TSPEAR: variants seen among roughly 807,000 people sequenced by gnomAD.
TSPEAR encodes the protein thrombospondin type laminin G domain and EAR repeats.
TSPEAR carries 69 observed loss-of-function variants against 71.6 expected under a neutral mutation model. The ratio of observed to expected loss-of-function variants is 0.96; its 90% CI spans 0.79 to 1.18. The LOEUF is 1.18. Ranked by LOEUF, TSPEAR falls within the 50% of genes most tolerant of loss-of-function variation. TSPEAR has a pLI of 0.00. For synonymous variants in TSPEAR, 402 were observed against 387.2 expected, an observed-to-expected ratio of 1.04 and a Z score of -0.45; for missense variants, 971 against 894.9, an observed-to-expected ratio of 1.09 and a Z score of -1.09.
intron 1 of TSPEAR, chr21:44,646,297 A>G: frequency 3.9e-6 from 4 of 1,027,556 alleles, no homozygotes; most frequent in Admixed American, 2.8e-5. Context: ...CCAGCTGTAA[A>G]CACCAACAAG....
At chr21:44,649,894 C>T (rs782382902) in intron 1 of TSPEAR, among the ~76,000 whole-genome samples, 7 of 152,134 alleles carry the variant, frequency 4.6e-5, no homozygotes, top group South Asian at 4.1e-4. Flanking sequence ...GGCTTTGCAC[C>T]GACCTCTTTC....
At chr21:44,578,492 C>G (rs1431763908) in intron 1 of TSPEAR, among the ~76,000 whole-genome samples, 3 of 152,124 alleles carry the variant, frequency 2.0e-5, no homozygotes, top group Admixed American at 1.3e-4. Context: ...CTAACCCAAA[C>G]TTTTCCAGAA....
rs182362228 is a variant in TSPEAR, at chr21:44,672,332, A to T, written c.82+39101T>A. Among the ~76,000 whole-genome samples, 935 of 152,304 alleles carry T rather than the reference A, an allele frequency of 6.1e-3. 3 individuals carry two copies. Among genetic ancestry groups the T allele is most frequent in the Non-Finnish European group, 0.01 (711 of 68,020 alleles). On this transcript the variant is annotated intron_variant, in intron 1 of 11. Transcript: ENST00000323084. ...ACGCCTGTAATCCCAGCACTTTGGG[A>T]GGCTAAGGCGGGCGGATCACAAGGT...
chr21:44,527,546 T>C, intron 6 of TSPEAR, 28 bp from the exon 7 acceptor site: 6 of 1,607,626 alleles, frequency 3.7e-6, no homozygotes, highest in Non-Finnish European at 4.3e-6. Context: ...GTGACTCGGT[T>C]AAGATTTCCG....
chr21:44,555,532 C>T (rs1349297066), intron 2 of TSPEAR, among the ~76,000 whole-genome samples: 7 of 152,196 alleles, frequency 4.6e-5, no homozygotes, highest in South Asian at 2.1e-4. Context: ...AGTGGGGAGA[C>T]GTGGGCACTT....
rs782447296 is a variant in TSPEAR at position 44,558,350 on chromosome 21, GGGCTTGCAGCAGACA to G, written c.303+9420_303+9434del. 198 of 1,613,366 alleles carry G rather than the reference GGGCTTGCAGCAGACA, an allele frequency of 1.2e-4. 1 individual carries two copies. Among genetic ancestry groups the G allele is most frequent in the African/African-American group, 9.8e-4 (73 of 74,808 alleles). Reference sequence around the variant, plus strand: ...CAGAGCAGACGGGCACACAGCAGATGGGCTTGCAGCAGACAGGCTTGCAGCAGACGGGCACACAGC... The same window carrying G: ...CAGAGCAGACGGGCACACAGCAGATGGGCTTGCAGCAGACGGGCACACAGC... On this transcript the variant is annotated intron_variant, in intron 2 of 11. Coordinates refer to ENST00000323084, the MANE Select transcript of TSPEAR (RefSeq NM_144991.3).
At chr21:44,686,753 C>G (rs1986878547) in intron 1 of TSPEAR, 1 of 152,348 alleles carries the variant, frequency 6.6e-6, no homozygotes, top group Non-Finnish European at 1.5e-5. Flanking sequence ...GATCCACCTC[C>G]CACTGTGGCT....
rs923445579 is a variant in TSPEAR at position 44,541,817 on chromosome 21, A to G, written c.304-7894T>C. On this transcript the variant is annotated intron_variant, in intron 2 of 11. Coordinates refer to ENST00000323084, the MANE Select transcript of TSPEAR (RefSeq NM_144991.3). The stretch of plus-strand genomic sequence containing the variant: ...TTAAATAAACTCGCACTGAACTCAT[A>G]TGATCTGCCTGTAGCCTAACTGCCT... Among the ~76,000 whole-genome samples, 7 of 152,378 alleles carry G rather than the reference A, an allele frequency of 4.6e-5. No homozygotes were observed. In the South Asian group the frequency reaches 1.4e-3, roughly 32 times the overall value.
chr21:44,699,774 A>T (rs1987562658), intron 1 of TSPEAR, among the ~76,000 whole-genome samples: 1 of 152,272 alleles, frequency 6.6e-6, no homozygotes, highest in Admixed American at 6.5e-5. Flanking sequence ...CTGGGCTCCC[A>T]GCCACGCTTA....
intron 1 of TSPEAR, chr21:44,580,197 G>T (rs1343471517): frequency 6.2e-7 from 1 of 1,614,130 alleles, no homozygotes. Context: ...CAGCAGGACT[G>T]CTGGCAGGAG....
At chr21:44,529,637 G>A (rs1268993721) in intron 5 of TSPEAR, among the ~76,000 whole-genome samples, 161 bp downstream of exon 5, 7 of 152,064 alleles carry the variant, frequency 4.6e-5, no homozygotes, top group Non-Finnish European at 8.8e-5. Flanking sequence ...GGTGGGCCCC[G>A]AGTATCCCCC....
Position 44,710,426 on chromosome 21 carries a change from C to T in TSPEAR, c.82+1007G>A, listed in dbSNP as rs113363295. ...GGCACGTTTATGACCCCCACCCCCA[C>T]CCCCACCCCCCACGCGAGTCAGCAC... On this transcript the variant is annotated intron_variant, in intron 1 of 11. Transcript: ENST00000323084. The surrounding 1 kb of genome is among the most constrained non-coding windows in gnomAD (Gnocchi z 4.6). Among the ~76,000 whole-genome samples, 1,434 of 151,716 alleles carry T rather than the reference C, an allele frequency of 9.5e-3. 12 individuals are homozygous for T. Among genetic ancestry groups the T allele is most frequent in the Non-Finnish European group, 0.014 (967 of 67,808 alleles).
intron 2 of TSPEAR, among the ~76,000 whole-genome samples, chr21:44,547,787 C>G (rs1208155208): frequency 6.6e-6 from 1 of 152,026 alleles, no homozygotes; most frequent in Non-Finnish European, 1.5e-5. Context: ...CTGCTTGCAT[C>G]TTCACTTCCT....
intron 2 of TSPEAR, chr21:44,539,115 G>A: frequency 1.9e-6 from 2 of 1,052,488 alleles, no homozygotes; most frequent in Non-Finnish European, 2.7e-6. Context: ...CCTGCTGGAA[G>A]GCAAGAGCTG....
rs111396672 is a variant in TSPEAR at position 44,677,898 on chromosome 21, A to G, written c.82+33535T>C. Reference sequence around the variant, plus strand: ...GAAATGGGAAGCCCATTTGGCATATAGGATAGTGCCACCAATACCTCCACC... The same window carrying G: ...GAAATGGGAAGCCCATTTGGCATATGGGATAGTGCCACCAATACCTCCACC... On this transcript the variant is annotated intron_variant, in intron 1 of 11. Transcript: ENST00000323084. 730 of 1,400,558 alleles carry G rather than the reference A, an allele frequency of 5.2e-4. 8 individuals carry two copies. The African/African-American group carries it at 8.6e-3, about 16-fold the overall frequency. 86.8% of individuals were successfully genotyped at this position (1,400,558 alleles called of 1,614,324 possible).
intron 1 of TSPEAR, among the ~76,000 whole-genome samples, chr21:44,693,692 G>A (rs1344526572): frequency 3.3e-5 from 5 of 149,500 alleles, no homozygotes; most frequent in African/African-American, 1.3e-4. Context: ...CAAAGATGTG[G>A]AGAAATTGGA....
intron 1 of TSPEAR, among the ~76,000 whole-genome samples, chr21:44,596,650 C>T (rs141133243): frequency 6.6e-6 from 1 of 152,226 alleles, no homozygotes; most frequent in African/African-American, 2.4e-5. Flanking sequence ...TCTGCCCACA[C>T]CCTCGCCAAC....
chr21:44,630,380 G>A (rs1011372021), intron 1 of TSPEAR, among the ~76,000 whole-genome samples: 9 of 152,316 alleles, frequency 5.9e-5, no homozygotes, highest in Non-Finnish European at 8.8e-5. Flanking sequence ...AAATGAACCA[G>A]TCACTGCCAC....
chr21:44,582,364 C>T (rs1555925251), intron 1 of TSPEAR, among the ~76,000 whole-genome samples: 1 of 152,210 alleles, frequency 6.6e-6, no homozygotes, highest in Non-Finnish European at 1.5e-5. Flanking sequence ...CACACAGCTC[C>T]CAGAAGAGTG....
Sources: allele counts gnomAD v4.1 joint callset (sites outside exome capture counted in the v4.1 genomes callset), GRCh38; gene constraint gnomAD v4.1.1; non-coding constraint Gnocchi (gnomAD v3.1); transcripts MANE v1.5; gene names NCBI Gene and HGNC (gene_info 2026-07-23, HGNC 2026-07-21).